CNTNAP5: variants seen among roughly 807,000 people sequenced by gnomAD.
The protein encoded by CNTNAP5 is contactin associated protein family member 5, also known as contactin-associated protein-like 5.
Under a neutral mutation model 150.2 loss-of-function variants are expected in CNTNAP5, and 72 were observed. The ratio of observed to expected loss-of-function variants is 0.48; its 90% CI spans 0.40 to 0.58. CNTNAP5 has a LOEUF of 0.58. CNTNAP5 is among the 20% of genes least tolerant of loss of function. The pLI, the probability that CNTNAP5 is intolerant of heterozygous loss-of-function variation, is 0.00. For missense variants in CNTNAP5, 1,636 were observed against 1,626.2 expected (o/e 1.01, Z -0.10); for synonymous variants, 672 against 619.8 (o/e 1.08, Z -1.25).
chr2:124,819,270 G>A (rs1365140984), intron 19 of CNTNAP5, among the ~76,000 whole-genome samples: 1 of 152,124 alleles, frequency 6.6e-6, no homozygotes, highest in Non-Finnish European at 1.5e-5. Flanking sequence ...TTAGCACAGA[G>A]TAGATATTCA....
intron 1 of CNTNAP5, among the ~76,000 whole-genome samples, chr2:124,160,363 T>C (rs1218506516): frequency 6.6e-6 from 1 of 152,104 alleles, no homozygotes; most frequent in Non-Finnish European, 1.5e-5. Flanking sequence ...ATTCCCATCA[T>C]GGAAATAAAG....
At chr2:124,908,648 C>T (rs961594306) in intron 22 of CNTNAP5, among the ~76,000 whole-genome samples, 1 of 152,104 alleles carries the variant, frequency 6.6e-6, no homozygotes, top group African/African-American at 2.4e-5. Context: ...AAGCCTCAGG[C>T]ATTTTCTTCA....
chr2:124,619,717 C>G (rs1185840395), intron 12 of CNTNAP5, among the ~76,000 whole-genome samples: 1 of 151,506 alleles, frequency 6.6e-6, no homozygotes, highest in Non-Finnish European at 1.5e-5. Flanking sequence ...GCAGATGTCT[C>G]TGGTCTGGAA....
chr2:124,747,263 C>T lies in CNTNAP5; in HGVS notation c.2112C>T (p.Ser704=). Residue 704 remains serine, a synonymous_variant, in exon 14 of 24, where the codon TCC becomes TCT. Transcript: ENST00000682447. ...CATTTACCTGGTGGATTGGGCGGTC[C>T]AATGAAAGGCACCCTTACTGGGGAG... ...GTPFTWWIGR[S]NERHPYWGGS... is the part of the protein sequence containing the mutation. The T allele has an allele frequency of 1.8e-5, 29 of 1,613,644 alleles. No homozygotes were observed. Among genetic ancestry groups the T allele is most frequent in the Non-Finnish European group, 2.4e-5 (28 of 1,179,742 alleles).
intron 19 of CNTNAP5, among the ~76,000 whole-genome samples, chr2:124,843,057 C>T (rs1682976067): frequency 6.6e-6 from 1 of 151,928 alleles, no homozygotes; most frequent in Admixed American, 6.6e-5. Context: ...CTCACTATGC[C>T]CCCACCCTTT....
At chr2:124,882,593 C>T (rs894113682) in intron 21 of CNTNAP5, among the ~76,000 whole-genome samples, 9 of 152,056 alleles carry the variant, frequency 5.9e-5, no homozygotes, top group East Asian at 3.9e-4. Context: ...CTCTGTCTAG[C>T]GTATGCAGAG....
chr2:124,457,311 A>G (rs1024638380), intron 6 of CNTNAP5, among the ~76,000 whole-genome samples: 1 of 152,256 alleles, frequency 6.6e-6, no homozygotes, highest in Non-Finnish European at 1.5e-5. Context: ...GGACTTAATT[A>G]AACTGAAGAG....
At chr2:124,882,988 A>G (rs929187404) in intron 21 of CNTNAP5, among the ~76,000 whole-genome samples, 2 of 151,746 alleles carry the variant, frequency 1.3e-5, no homozygotes, top group African/African-American at 2.4e-5. Context: ...CCCAAAATAC[A>G]TGGGGATTAT....
Position 124,025,316 on chromosome 2 carries a change from ATT to A in CNTNAP5, c.-333_-332del. On this transcript the variant is annotated 5_prime_UTR_variant, in exon 1 of 24. The change creates a new upstream start codon in the 5' untranslated region. Transcript: ENST00000682447. Reference sequence around the variant, plus strand: ...CCAGCTCTCGCGCCCGACGAGGTGGATTTGGCTGTCCACCGAGCTCCGGCGCC... The same window carrying A: ...CCAGCTCTCGCGCCCGACGAGGTGGATGGCTGTCCACCGAGCTCCGGCGCC... 1 of 295,218 alleles carries A rather than the reference ATT, an allele frequency of 3.4e-6. No individual in the cohort carries two copies. Among genetic ancestry groups the A allele is most frequent in the Admixed American group, 4.1e-5 (1 of 24,160 alleles). The allele number at this position is 295,218 out of a possible 1,614,324, so 18.3% of individuals were successfully genotyped here. A position where few individuals can be genotyped will look rare whatever the true frequency, so the allele number is the denominator to read the frequency against.
At chr2:124,049,861 C>T (rs1681643325) in intron 1 of CNTNAP5, among the ~76,000 whole-genome samples, 1 of 152,132 alleles carries the variant, frequency 6.6e-6, no homozygotes, top group African/African-American at 2.4e-5. Flanking sequence ...CTAATGAGGG[C>T]CTGCTTGCTT....
chr2:124,305,707 C>A (rs1688671694), intron 3 of CNTNAP5, among the ~76,000 whole-genome samples: 2 of 152,116 alleles, frequency 1.3e-5, no homozygotes. Flanking sequence ...TGCCCTTTTG[C>A]TCTTTCATTC....
chr2:124,197,159 A>G (rs1198640665), intron 1 of CNTNAP5, among the ~76,000 whole-genome samples: 1 of 152,218 alleles, frequency 6.6e-6, no homozygotes, highest in African/African-American at 2.4e-5. Context: ...ATACATATCT[A>G]TATGCCTATG....
intron 19 of CNTNAP5, 31 bp downstream of exon 19, chr2:124,798,351 T>A (rs752382925): frequency 6.6e-7 from 1 of 1,521,262 alleles, no homozygotes; most frequent in Non-Finnish European, 9.1e-7. Context: ...CCCAGCGGAG[T>A]CTCAGCCTGG....
intron 13 of CNTNAP5, among the ~76,000 whole-genome samples, chr2:124,713,273 CTT>C (rs1296121830): frequency 3.7e-5 from 4 of 107,604 alleles, no homozygotes; most frequent in Admixed American, 1.0e-4. Context: ...TTCTTTCTTT[CTT>C]TCTTTCTTTC....
intron 19 of CNTNAP5, among the ~76,000 whole-genome samples, chr2:124,847,162 G>A (rs1683065759): frequency 6.6e-6 from 1 of 152,162 alleles, no homozygotes; most frequent in Non-Finnish European, 1.5e-5. Context: ...CAGGTGGGGA[G>A]CAGGGCCATA....
At chr2:124,068,539 G>C (rs1315285604) in intron 1 of CNTNAP5, among the ~76,000 whole-genome samples, 1 of 152,004 alleles carries the variant, frequency 6.6e-6, no homozygotes, top group Admixed American at 6.6e-5. Flanking sequence ...CACAGGAATG[G>C]CATTTCTTAG....
chr2:124,353,540 T>A (rs952648858), intron 3 of CNTNAP5, among the ~76,000 whole-genome samples: 1 of 152,150 alleles, frequency 6.6e-6, no homozygotes, highest in Middle Eastern at 3.2e-3. Flanking sequence ...CAGAAAACTA[T>A]AAGCCTGTCC....
chr2:124,312,108 G>A (rs1688844432), intron 3 of CNTNAP5, among the ~76,000 whole-genome samples: 1 of 152,210 alleles, frequency 6.6e-6, no homozygotes, highest in Non-Finnish European at 1.5e-5. Context: ...ATGGAAGTAG[G>A]TGACCCAGTG....
rs185053592 is a variant in CNTNAP5 at position 124,885,854 on chromosome 2, A to T, written c.3436+16092A>T. Among the ~76,000 whole-genome samples the T allele has an allele frequency of 9.6e-4, 146 of 152,150 alleles. 1 individual carries two copies. Among genetic ancestry groups the T allele is most frequent in the Non-Finnish European group, 1.5e-3 (102 of 67,998 alleles). ...GCATATGTCAGGGTGTTTTTTAAAA[A>T]ATCTATTGTCCTTTGATGAACATTT... On this transcript the variant is annotated intron_variant, in intron 21 of 23. Coordinates refer to ENST00000682447, the MANE Select transcript of CNTNAP5 (RefSeq NM_001367498.1).
Sources: gnomAD v4.1 joint callset for allele counts (sites outside exome capture counted in the v4.1 genomes callset) on GRCh38, gnomAD v4.1.1 for gene constraint, MANE v1.5 for transcripts, NCBI Gene and HGNC (gene_info 2026-07-23, HGNC 2026-07-21) for gene names.